Variants in ZNF728 observed in about 807,000 individuals in gnomAD.
ZNF728 encodes zinc finger protein 728.
Under a neutral mutation model 12.5 loss-of-function variants are expected in ZNF728, and 12 were observed. That is an observed-to-expected ratio of 0.96 (90% CI 0.61 to 1.55). The LOEUF (loss-of-function observed/expected upper bound fraction) is 1.55, where lower values mean the gene tolerates loss of function less well. Among genes scored for constraint, ZNF728 ranks in the 40% most tolerant of loss-of-function variants. The probability of loss-of-function intolerance (pLI) is 0.00; values close to 1 mark genes in which losing one functional copy is unlikely to be tolerated. For missense variants in ZNF728, 692 were observed against 719.2 expected, an observed-to-expected ratio of 0.96 and a Z score of 0.43; for synonymous variants, 205 against 240.7, an observed-to-expected ratio of 0.85 and a Z score of 1.37.
chr19:23,003,013 AC>A lies in ZNF728; in HGVS notation c.3+14del. ...GGCTGCCACTCTCTCGGGATGTCGG[AC>A]CCGGCTGACTCACCATTTCTAGGCT... On this transcript the variant is annotated intron_variant, in intron 1 of 3. Coordinates refer to ENST00000594710, the MANE Select transcript of ZNF728 (RefSeq NM_001267716.2). 3.2e-6 allele frequency: 5 copies of A among 1,584,022 alleles called. No individual in the cohort carries two copies. Among genetic ancestry groups the A allele is most frequent in the Non-Finnish European group, 4.3e-6 (5 of 1,165,492 alleles).
chr19:22,995,166 C>T (rs954173309), intron 1 of ZNF728: 2 of 152,248 alleles, frequency 1.3e-5, no homozygotes, highest in South Asian at 2.1e-4. Context: ...TGACAGCCCA[C>T]GTCTTTCACA....
chr19:22,988,607 T>A (rs1968946130), intron 1 of ZNF728, among the ~76,000 whole-genome samples, 156 bp from the exon 2 acceptor site: 1 of 152,162 alleles, frequency 6.6e-6, no homozygotes, highest in Non-Finnish European at 1.5e-5. Flanking sequence ...ACAACAATAT[T>A]CTCTAATGTA....
Position 23,003,121 on chromosome 19 carries a change from G to A in ZNF728, c.-91C>T. Reference sequence around the variant, plus strand: ...CATAGAAGCTGGGCCTTTAGGAGCGGACGACACACAGCAGTAAGGACGACA... The same window carrying A: ...CATAGAAGCTGGGCCTTTAGGAGCGAACGACACACAGCAGTAAGGACGACA... On this transcript the variant is annotated 5_prime_UTR_variant, in exon 1 of 4. Transcript: ENST00000594710. 6.9e-7 allele frequency: 1 copy of A among 1,452,016 alleles called. No individual in the cohort carries two copies. The highest frequency in any genetic ancestry group is 9.3e-7 in the Non-Finnish European group (1 of 1,077,368). 89.9% of individuals were successfully genotyped at this position (1,452,016 alleles called of 1,614,324 possible). A position where few individuals can be genotyped will look rare whatever the true frequency, so the allele number is the denominator to read the frequency against.
rs115646268 is a variant in ZNF728 at position 22,975,771 on chromosome 19, G to T, written c.1566C>A (p.Asn522Lys). The T allele has an allele frequency of 5.6e-6, 9 of 1,611,688 alleles. No individual in the cohort carries two copies. In the East Asian group the frequency reaches 2.0e-4, roughly 36 times the overall value. The change falls in exon 4 of 4, where the codon AAC becomes AAA. Residue 522 changes from asparagine (N) to lysine (K), a missense_variant. Around this residue, in one of 3 missense-constraint regions of ZNF728, gnomAD observed 244 missense variants for 235.2 expected, o/e 1.04. Coordinates refer to ENST00000594710, the MANE Select transcript of ZNF728 (RefSeq NM_001267716.2). Reference sequence around the variant, plus strand: ...TATGAATTACCTTATGTTTAGTAAGGTTTGCAACCTTACTGAAGGCTTTGC... The same window carrying T: ...TATGAATTACCTTATGTTTAGTAAGTTTTGCAACCTTACTGAAGGCTTTGC... ...ECGKAFSKVA[N>K]LTKHKVIHTG...
Position 22,976,699 on chromosome 19 carries a change from G to A in ZNF728, c.638C>T (p.Ser213Phe), listed in dbSNP as rs1968806299. 1 of 1,613,066 alleles carries A rather than the reference G, an allele frequency of 6.2e-7. No individual in the cohort carries two copies. Among genetic ancestry groups the A allele is most frequent in the African/African-American group, 1.3e-5 (1 of 74,916 alleles). Residue 213 changes from serine to phenylalanine, a missense_variant, in exon 4 of 4, where the codon TCC becomes TTC. Ser to Phe is a radical substitution (Grantham distance 155). Around this residue, in one of 3 missense-constraint regions of ZNF728, gnomAD observed 440 missense variants for 459.6 expected, o/e 0.96. Transcript: ENST00000594710. ...AATTCTCTTATAAGTAAGGGCTGAGGACCAGTTAAAGGCTTTGCCATGTTC... is the reference window on the plus strand; with the variant it reads ...AATTCTCTTATAAGTAAGGGCTGAGAACCAGTTAAAGGCTTTGCCATGTTC... ...SEEHGKAFNW[S>F]SALTYKRIHT...
At chr19:22,989,507 TA>T (rs1165830308) in intron 1 of ZNF728, among the ~76,000 whole-genome samples, 4 of 152,082 alleles carry the variant, frequency 2.6e-5, no homozygotes, top group African/African-American at 9.7e-5. Context: ...AACAGAAAAA[TA>T]ATTCTATAGT....
rs754232352 is a variant in ZNF728 at position 22,976,488 on chromosome 19, G to C, written c.849C>G (p.Pro283=). 4 of 1,612,560 alleles carry C rather than the reference G, an allele frequency of 2.5e-6. No homozygotes were observed. The highest frequency in any genetic ancestry group is 3.4e-6 in the Non-Finnish European group (4 of 1,179,840). The change falls in exon 4 of 4, where the codon CCC becomes CCG. Residue 283 remains proline, a synonymous_variant. Coordinates refer to ENST00000594710, the MANE Select transcript of ZNF728 (RefSeq NM_001267716.2). The part of the protein sequence containing the change: ...EHKRSHAGEK[P]YKCEECGKAF... ...CTTTGCCACATTCTTCACATTTGTA[G>C]GGTTTCTCTCCAGCATGACTTCTCT... is the stretch of plus-strand genomic sequence containing the variant.
intron 1 of ZNF728, among the ~76,000 whole-genome samples, chr19:22,992,266 T>C (rs532400771): frequency 5.3e-5 from 8 of 152,110 alleles, no homozygotes; most frequent in Non-Finnish European, 1.0e-4. Flanking sequence ...TTTTTGAGAC[T>C]GAGTCTCACT....
Position 23,003,167 on chromosome 19 carries a change from G to C in ZNF728, c.-137C>G, listed in dbSNP as rs1442523909. On this transcript the variant is annotated 5_prime_UTR_variant, in exon 1 of 4. Transcript: ENST00000594710. ...CGACACCTTGACCTCCGCGTGCAGC[G>C]AGAGCCAACGGTCCTACCACATCCC... is the stretch of plus-strand genomic sequence containing the variant. 3 of 1,043,736 alleles carry C rather than the reference G, an allele frequency of 2.9e-6. No individual in the cohort carries two copies. Among genetic ancestry groups the C allele is most frequent in the East Asian group, 2.8e-5 (1 of 35,466 alleles). The allele number at this position is 1,043,736 out of a possible 1,614,324, so 64.7% of individuals were successfully genotyped here.
At chr19:23,000,462 A>G (rs1969096205) in intron 1 of ZNF728, among the ~76,000 whole-genome samples, 1 of 152,114 alleles carries the variant, frequency 6.6e-6, no homozygotes, top group Non-Finnish European at 1.5e-5. Flanking sequence ...GAGAATTTTC[A>G]ACAAATAAAA....
chr19:22,984,164 G>A lies in ZNF728; in HGVS notation c.226+3144C>T, dbSNP rs176456. Among the ~76,000 whole-genome samples, 3 of 151,532 alleles carry A rather than the reference G, an allele frequency of 2.0e-5. No individual in the cohort carries two copies. The East Asian group carries it at 5.9e-4, about 30-fold the overall frequency. On this transcript the variant is annotated intron_variant, in intron 3 of 3. Coordinates refer to ENST00000594710, the MANE Select transcript of ZNF728 (RefSeq NM_001267716.2). ...TATTTCTTGATAGACCACCTCTTAG[G>A]CCAAAAAAGAAGTCTTACCAAATTT...
intron 3 of ZNF728, among the ~76,000 whole-genome samples, chr19:22,981,656 A>C (rs1568275053): frequency 6.6e-6 from 1 of 152,208 alleles, no homozygotes; most frequent in Non-Finnish European, 1.5e-5. Context: ...TGAATCCAGC[A>C]GCACATCAAA....
rs1163321887 is a variant in ZNF728 at position 22,976,805 on chromosome 19, A to G, written c.532T>C (p.Tyr178His). Residue 178 changes from tyrosine (Y) to histidine (H), a missense_variant, in exon 4 of 4, where the codon TAT (tyrosine) becomes CAT (histidine). Transcript: ENST00000594710. ...TGKKLLKCKE[Y>H]VRSFCMLSHL... ...GAAAGCATGCAAAATGATCTGACAT[A>G]TTCTTTACATTTCAAAAGTTTCTTT... is the stretch of plus-strand genomic sequence containing the variant. 1.9e-6 allele frequency: 3 copies of G among 1,613,498 alleles called. No homozygotes were observed. The East Asian group carries it at 6.7e-5, about 36-fold the overall frequency.
chr19:22,976,571 A>G lies in ZNF728; in HGVS notation c.766T>C (p.Tyr256His). Residue 256 changes from tyrosine to histidine, a missense_variant, in exon 4 of 4, where the codon TAC becomes CAC. Physicochemically the swap from Tyr to His is moderately conservative, Grantham distance 83. Around this residue, in one of 3 missense-constraint regions of ZNF728, gnomAD observed 440 missense variants for 459.6 expected, o/e 0.96. Coordinates refer to ENST00000594710, the MANE Select transcript of ZNF728 (RefSeq NM_001267716.2). ...HKVIHTGEKH[Y>H]KCEECGKAFT... ...GCTTTGCCACATTCTTCACATTTGT[A>G]ATGTTTCTCTCCAGTATGAATTACC... The G allele has an allele frequency of 6.2e-7, 1 of 1,611,256 alleles. No homozygotes were observed. Among genetic ancestry groups the G allele is most frequent in the Non-Finnish European group, 8.5e-7 (1 of 1,178,664 alleles).
At chr19:22,987,161 T>G (rs964006310) in intron 3 of ZNF728, 147 bp downstream of exon 3, 2 of 701,236 alleles carry the variant, frequency 2.9e-6, no homozygotes, top group African/African-American at 3.6e-5. Context: ...TGCCACTGTG[T>G]GAGAGAAAAT....
Position 22,975,595 on chromosome 19 carries a change from T to G in ZNF728, c.1742A>C (p.Lys581Thr). 6.2e-7 allele frequency: 1 copy of G among 1,607,196 alleles called. No individual in the cohort carries two copies. The highest frequency in any genetic ancestry group is 8.5e-7 in the Non-Finnish European group (1 of 1,178,154). ...CTTTCCAGCATGAATTTTCTTATGT[T>G]TGTTAAGGACTGAGACCCAGCTAAA... is the stretch of plus-strand genomic sequence containing the variant. ...KAFSWVSVLN[K>T]HKKIHAGKKF... is the part of the protein sequence containing the mutation. The change falls in exon 4 of 4, where the codon AAA becomes ACA. Residue 581 changes from lysine (K) to threonine (T), a missense_variant. By Grantham distance (78) the Lys-to-Thr change is moderately conservative. Coordinates refer to ENST00000594710, the MANE Select transcript of ZNF728 (RefSeq NM_001267716.2).
chr19:22,986,414 A>C (rs1360568339), intron 3 of ZNF728, among the ~76,000 whole-genome samples: 2 of 147,712 alleles, frequency 1.4e-5, no homozygotes, highest in Non-Finnish European at 2.9e-5. Context: ...ACACTCAGTA[A>C]ATTAGCAAAA....
intron 1 of ZNF728, among the ~76,000 whole-genome samples, chr19:22,991,611 T>C (rs991330456): frequency 6.6e-5 from 10 of 152,188 alleles, no homozygotes; most frequent in Non-Finnish European, 7.3e-5. Context: ...GATCCTACAA[T>C]ACATACTTTA....
At chr19:22,989,637 A>AC (rs1239114790) in intron 1 of ZNF728, among the ~76,000 whole-genome samples, 1 of 151,482 alleles carries the variant, frequency 6.6e-6, no homozygotes, top group Non-Finnish European at 1.5e-5. Context: ...CTGAGATATT[A>AC]CCCCCCAAAA....
Sources: allele counts gnomAD v4.1 joint callset (sites outside exome capture counted in the v4.1 genomes callset), GRCh38; gene constraint gnomAD v4.1.1; regional missense constraint gnomAD v4.1.1; transcripts MANE v1.5; gene names NCBI Gene and HGNC (gene_info 2026-07-23, HGNC 2026-07-21).